MMS22L: variants seen among roughly 807,000 people sequenced by gnomAD.
MMS22L encodes MMS22 like, DNA repair protein, also known as protein MMS22-like.
A neutral mutation model predicts 159.1 loss-of-function variants in MMS22L; 74 were observed. The ratio of observed to expected loss-of-function variants is 0.47; its 90% CI spans 0.39 to 0.56. MMS22L has a LOEUF of 0.56. Ranked by LOEUF, MMS22L falls within the 20% of genes least tolerant of loss-of-function variation. The pLI is 0.00. For synonymous variants in MMS22L, 517 were observed against 506.9 expected, an observed-to-expected ratio of 1.02 and a Z score of -0.27; for missense variants, 1,351 against 1,422.1, an observed-to-expected ratio of 0.95 and a Z score of 0.80.
intron 20 of MMS22L, among the ~76,000 whole-genome samples, chr6:97,166,410 C>T (rs1354015797): frequency 2.0e-5 from 3 of 151,986 alleles, no homozygotes; most frequent in Non-Finnish European, 4.4e-5. Context: ...TAGTTGTAAA[C>T]GGGTACTTAC....
rs1554262354 is a variant in MMS22L, at chr6:97,192,209, G to GATGGATGAATGA, written c.2040-5520_2040-5519insTCATTCATCCAT. Reference sequence around the variant, plus strand: ...GGATGGATGGATGGATGGATGGATGGATGAATGAATGAATGAATATGTGAA... The same window carrying GATGGATGAATGA: ...GGATGGATGGATGGATGGATGGATGGATGGATGAATGAATGAATGAATGAATGAATATGTGAA... On this transcript the variant is annotated intron_variant, in intron 14 of 24. Transcript: ENST00000683635. 6.7e-5 allele frequency among the ~76,000 whole-genome samples: 7 copies of GATGGATGAATGA among 104,454 alleles called. No individual in the cohort carries two copies. The East Asian group carries it at 7.4e-4, about 11-fold the overall frequency. The allele number at this position is 104,454 out of a possible 152,430, so 68.5% of individuals were successfully genotyped here. A position where few individuals can be genotyped will look rare whatever the true frequency, so the allele number is the denominator to read the frequency against.
intron 22 of MMS22L, among the ~76,000 whole-genome samples, chr6:97,156,696 A>G (rs1309423220): frequency 6.6e-6 from 1 of 152,190 alleles, no homozygotes; most frequent in Non-Finnish European, 1.5e-5. Context: ...TACCAGTACC[A>G]TGCTGTTTTG....
chr6:97,270,123 A>C (rs1815566909), intron 6 of MMS22L, 131 bp from the exon 7 acceptor site: 12 of 680,076 alleles, frequency 1.8e-5, no homozygotes, highest in East Asian at 2.8e-5. Context: ...TCAAAAGCTC[A>C]GGGAAAACCT....
intron 14 of MMS22L, among the ~76,000 whole-genome samples, chr6:97,187,593 T>C (rs1045764196): frequency 2.0e-5 from 3 of 152,142 alleles, no homozygotes; most frequent in African/African-American, 4.8e-5. Flanking sequence ...TTTTCAATTA[T>C]ACAGAAAGCA....
intron 10 of MMS22L, among the ~76,000 whole-genome samples, chr6:97,252,428 C>T (rs1210422821): frequency 2.0e-5 from 3 of 151,366 alleles, no homozygotes; most frequent in East Asian, 3.9e-4. Context: ...GCAGATTAAC[C>T]GAGGTCAGGA....
rs1340529329 is a variant in MMS22L, at chr6:97,272,779, T to C, written c.531A>G (p.Leu177=). The change falls in exon 6 of 25, where the codon TTA becomes TTG. Residue 177 remains leucine (L), a synonymous_variant. Coordinates refer to ENST00000683635, the MANE Select transcript of MMS22L (RefSeq NM_001350599.2). ...PSVLIDELHG[L]LLYIGHLSEL... ...CAGATAGGTGTCCAATATACAAGAG[T>C]AATCCATGAAGCTCATCAATCAACA... The C allele has an allele frequency of 1.2e-6, 2 of 1,613,864 alleles. No individual in the cohort carries two copies. Among genetic ancestry groups the C allele is most frequent in the East Asian group, 2.2e-5 (1 of 44,848 alleles).
chr6:97,162,573 T>C (rs1201517327), intron 21 of MMS22L, among the ~76,000 whole-genome samples: 1 of 151,906 alleles, frequency 6.6e-6, no homozygotes, highest in Non-Finnish European at 1.5e-5. Flanking sequence ...TCTCTCTTCA[T>C]ATCTATTTAT....
chr6:97,282,386 C>A lies in MMS22L; in HGVS notation c.92G>T (p.Cys31Phe), dbSNP rs372607148. 1.3e-4 allele frequency: 204 copies of A among 1,614,006 alleles called. No individual in the cohort carries two copies. The highest frequency in any genetic ancestry group is 1.6e-4 in the Non-Finnish European group (192 of 1,180,022). ...TCCTCCTCCTCTGTTGTCAACAGCA[C>A]AAGAAAAGTAAGGAGGTTTGCACCA... ...TEWCKPPYFS[C>F]AVDNRGGGKH... The change falls in exon 2 of 25, where the codon TGT (cysteine) becomes TTT (phenylalanine). Residue 31 changes from cysteine to phenylalanine, a missense_variant. Coordinates refer to ENST00000683635, the MANE Select transcript of MMS22L (RefSeq NM_001350599.2).
At chr6:97,239,224 T>C (rs946810283) in intron 11 of MMS22L, among the ~76,000 whole-genome samples, 5 of 152,114 alleles carry the variant, frequency 3.3e-5, no homozygotes, top group African/African-American at 4.8e-5. Context: ...ACATTCTGAG[T>C]TGGTTCTACT....
At chr6:97,215,086 T>A (rs1808843330) in intron 14 of MMS22L, among the ~76,000 whole-genome samples, 1 of 141,924 alleles carries the variant, frequency 7.0e-6, no homozygotes, top group South Asian at 2.2e-4. Flanking sequence ...ATTAATCATG[T>A]TTTAAATATA....
chr6:97,170,658 T>C (rs1472902839), intron 19 of MMS22L, among the ~76,000 whole-genome samples: 1 of 151,918 alleles, frequency 6.6e-6, no homozygotes, highest in Non-Finnish European at 1.5e-5. Context: ...AAAATTGGGA[T>C]CACTACAATA....
At chr6:97,245,986 A>G (rs1812599387) in intron 11 of MMS22L, 1 of 240,862 alleles carries the variant, frequency 4.2e-6, no homozygotes, top group South Asian at 4.6e-5. Context: ...AAATTCCAAA[A>G]TATTATTTAT....
intron 15 of MMS22L, among the ~76,000 whole-genome samples, chr6:97,184,922 A>T (rs1417093100): frequency 6.6e-6 from 1 of 152,112 alleles, no homozygotes; most frequent in Non-Finnish European, 1.5e-5. Flanking sequence ...AACACAAACT[A>T]GCTCTCCATT....
chr6:97,155,912 G>A (rs990004470), intron 22 of MMS22L, among the ~76,000 whole-genome samples: 4 of 152,150 alleles, frequency 2.6e-5, no homozygotes, highest in Admixed American at 2.0e-4. Context: ...TTGCCACACT[G>A]TCTTCCACAA....
At chr6:97,149,763 G>A in intron 24 of MMS22L, 90 bp downstream of exon 24, 1 of 1,293,650 alleles carries the variant, frequency 7.7e-7, no homozygotes, top group Non-Finnish European at 1.0e-6. Flanking sequence ...CCCAAATTTT[G>A]GGGAATAAGA....
At position 97,273,042 on chromosome 6, in the gene MMS22L, A is replaced by C; in HGVS notation, c.361T>G (p.Cys121Gly). The C allele has an allele frequency of 6.2e-7, 1 of 1,610,448 alleles. No homozygotes were observed. The highest frequency in any genetic ancestry group is 8.5e-7 in the Non-Finnish European group (1 of 1,179,272). The change falls in exon 5 of 25, where the codon TGC (cysteine) becomes GGC (glycine). Residue 121 changes from cysteine to glycine, a missense_variant. Cys to Gly is a radical substitution (Grantham distance 159). Transcript: ENST00000683635. ...TGCTGCCTAATATTGTCTGCTTTGC[A>C]GTGTAGAGTTGATACCTTCCCTGAA... ...CDFGKVSTLH[C>G]KADNIRQQCV...
Position 97,146,769 on chromosome 6 carries a change from A to G in MMS22L, c.*37T>C, listed in dbSNP as rs1800942073. 6.9e-6 allele frequency: 9 copies of G among 1,307,878 alleles called. No individual in the cohort carries two copies. Among genetic ancestry groups the G allele is most frequent in the Non-Finnish European group, 6.5e-6 (6 of 929,858 alleles). 81.0% of individuals were successfully genotyped at this position (1,307,878 alleles called of 1,614,324 possible). A position where few individuals can be genotyped will look rare whatever the true frequency, so the allele number is the denominator to read the frequency against. On this transcript the variant is annotated 3_prime_UTR_variant, in exon 25 of 25. Transcript: ENST00000683635. ...AGAGTGGAACAATGTGGCTTTAGAT[A>G]CTGATAATTAATAGACAGGATGAAT...
At chr6:97,181,178 T>A (rs1804666839) in intron 16 of MMS22L, among the ~76,000 whole-genome samples, 1 of 151,892 alleles carries the variant, frequency 6.6e-6, no homozygotes, top group African/African-American at 2.4e-5. Flanking sequence ...CTAGAAAAAA[T>A]AAACAGAGAA....
intron 10 of MMS22L, among the ~76,000 whole-genome samples, chr6:97,252,570 G>A (rs899872452): frequency 7.9e-5 from 12 of 151,290 alleles, no homozygotes; most frequent in Non-Finnish European, 1.2e-4. Flanking sequence ...ACCTGAACCC[G>A]TGAGGCAGAG....
Sources: gnomAD v4.1 joint callset for allele counts (sites outside exome capture counted in the v4.1 genomes callset) on GRCh38, gnomAD v4.1.1 for gene constraint, MANE v1.5 for transcripts, NCBI Gene and HGNC (gene_info 2026-07-23, HGNC 2026-07-21) for gene names.